The following SORCS1 variants were observed in gnomAD, a reference collection of about 807,000 sequenced individuals.
SORCS1 encodes the protein VPS10 domain-containing receptor SorCS1.
Under a neutral mutation model 146.1 loss-of-function variants are expected in SORCS1, and 60 were observed. The observed-to-expected ratio is 0.41, with a 90% CI of 0.33 to 0.51. The LOEUF is 0.51. Ranked by LOEUF, SORCS1 falls within the 20% of genes least tolerant of loss-of-function variation. SORCS1 has a pLI of 0.21. For synonymous variants in SORCS1, 637 were observed against 584.0 expected (o/e 1.09, Z -1.31); for missense variants, 1,352 against 1,487.6 (o/e 0.91, Z 1.50).
At chr10:106,713,798 G>T (rs1352015161) in intron 6 of SORCS1, among the ~76,000 whole-genome samples, 3 of 152,096 alleles carry the variant, frequency 2.0e-5, no homozygotes, top group African/African-American at 7.2e-5. Flanking sequence ...CAGTAAGTTT[G>T]GGGCCAATTT....
intron 8 of SORCS1, among the ~76,000 whole-genome samples, chr10:106,705,094 A>G (rs1854423506): frequency 6.6e-6 from 1 of 152,120 alleles, no homozygotes; most frequent in Admixed American, 6.5e-5. Flanking sequence ...TTCTTGTCTT[A>G]CTGGAGAAAA....
intron 2 of SORCS1, among the ~76,000 whole-genome samples, chr10:106,896,442 A>AG (rs1951480843): frequency 6.6e-6 from 1 of 151,636 alleles, no homozygotes; most frequent in African/African-American, 2.4e-5. Context: ...AAAAAAAAAA[A>AG]AAAAAGAAAT....
chr10:106,928,414 A>T (rs1589726540), intron 2 of SORCS1, among the ~76,000 whole-genome samples: 1 of 152,164 alleles, frequency 6.6e-6, no homozygotes, highest in African/African-American at 2.4e-5. Context: ...GCCCGCGCCC[A>T]CCCGGAACTC....
intron 1 of SORCS1, among the ~76,000 whole-genome samples, chr10:106,962,412 A>AAG (rs1554896533): frequency 2.0e-5 from 3 of 149,956 alleles, no homozygotes; most frequent in African/African-American, 4.9e-5. Context: ...AAAAAAAAAA[A>AAG]AAAGAAAGAA....
At chr10:107,111,135 G>C (rs2134454510) in intron 1 of SORCS1, among the ~76,000 whole-genome samples, 1 of 152,302 alleles carries the variant, frequency 6.6e-6, no homozygotes, top group African/African-American at 2.4e-5. Context: ...CAAATGCATA[G>C]CCATCAATGC....
intron 5 of SORCS1, among the ~76,000 whole-genome samples, chr10:106,738,572 T>C (rs4918247): frequency 0.78 from 118,614 of 152,198 alleles, 47,176 homozygotes; most frequent in Non-Finnish European, 0.87. Flanking sequence ...CTGGAGATCC[T>C]GCGTGGGGCC....
intron 24 of SORCS1, among the ~76,000 whole-genome samples, chr10:106,594,775 T>C (rs1237787296): frequency 6.6e-6 from 1 of 152,184 alleles, no homozygotes; most frequent in East Asian, 1.9e-4. Context: ...GATAGACAAG[T>C]TGGCCACATC....
intron 2 of SORCS1, among the ~76,000 whole-genome samples, chr10:106,855,289 A>C (rs767287415): frequency 6.6e-6 from 1 of 152,162 alleles, no homozygotes; most frequent in Non-Finnish European, 1.5e-5. Flanking sequence ...TGCCTTAAAA[A>C]AGTTTTTTTT....
chr10:106,950,100 C>T (rs781579099), intron 2 of SORCS1, among the ~76,000 whole-genome samples: 1 of 152,220 alleles, frequency 6.6e-6, no homozygotes. Flanking sequence ...AAAGTGAAGA[C>T]AATTTTAAGG....
intron 1 of SORCS1, among the ~76,000 whole-genome samples, chr10:107,069,323 T>C (rs1467271055): frequency 6.6e-6 from 1 of 152,218 alleles, no homozygotes; most frequent in African/African-American, 2.4e-5. Flanking sequence ...GAAATTCTGC[T>C]GCAGACTACA....
intron 1 of SORCS1, among the ~76,000 whole-genome samples, chr10:107,118,669 G>C (rs1966202797): frequency 6.6e-6 from 1 of 152,150 alleles, no homozygotes; most frequent in Non-Finnish European, 1.5e-5. Flanking sequence ...ATCTATTCAG[G>C]TCTTTGCACC....
At position 106,885,780 on chromosome 10, in the gene SORCS1, G is replaced by A. The variant is rs533777773; in HGVS notation, c.627-56107C>T. On this transcript the variant is annotated intron_variant, in intron 2 of 25. Transcript: ENST00000263054. ...ACCAGGTGGAAGATAATTAAATCAC[G>A]GGAATGGTTTCCCCCATACTGCTCT... Among the ~76,000 whole-genome samples the A allele has an allele frequency of 1.9e-3, 289 of 152,162 alleles. 1 individual carries two copies. The highest frequency in any genetic ancestry group is 6.4e-3 in the African/African-American group (266 of 41,502).
At chr10:107,052,315 A>T (rs527248353) in intron 1 of SORCS1, among the ~76,000 whole-genome samples, 2 of 152,314 alleles carry the variant, frequency 1.3e-5, no homozygotes, top group African/African-American at 4.8e-5. Flanking sequence ...TCAGATTTCA[A>T]GATATGTCTA....
chr10:106,706,624 C>T lies in SORCS1; in HGVS notation c.1154G>A (p.Gly385Glu), dbSNP rs1240286662. Residue 385 changes from glycine (G) to glutamate (E), a missense_variant, in exon 8 of 26, where the codon GGA becomes GAA. This residue lies in a region of SORCS1 where 648 missense variants were observed against 793.8 expected (regional missense o/e 0.82). Transcript: ENST00000263054. ...DHYVFVQLTS[G>E]GRPHYYVSYR... ...GGACACGTAGTAATGTGGCCGCCCT[C>T]CTGATGTCAGCTGGATCATAAAAAC... The T allele has an allele frequency of 8.1e-6, 13 of 1,613,974 alleles. No individual in the cohort carries two copies. Among genetic ancestry groups the T allele is most frequent in the South Asian group, 1.1e-5 (1 of 91,078 alleles).
At chr10:107,069,476 AG>A (rs1432924400) in intron 1 of SORCS1, among the ~76,000 whole-genome samples, 2 of 151,906 alleles carry the variant, frequency 1.3e-5, no homozygotes, top group Non-Finnish European at 2.9e-5. Flanking sequence ...CCCAGGTTCA[AG>A]CGATTCTCCT....
intron 2 of SORCS1, among the ~76,000 whole-genome samples, chr10:106,914,084 T>G (rs936433040): frequency 2.0e-5 from 3 of 152,198 alleles, no homozygotes; most frequent in African/African-American, 7.2e-5. Context: ...ATCATGCTAA[T>G]AAGCACTTAA....
At chr10:106,885,716 G>T (rs1200013308) in intron 2 of SORCS1, among the ~76,000 whole-genome samples, 1 of 152,128 alleles carries the variant, frequency 6.6e-6, no homozygotes, top group Admixed American at 6.5e-5. Flanking sequence ...ATCTCATCTT[G>T]AATTGTAGCT....
intron 6 of SORCS1, among the ~76,000 whole-genome samples, chr10:106,712,018 C>T (rs1855029344): frequency 6.6e-6 from 1 of 152,152 alleles, no homozygotes; most frequent in Admixed American, 6.6e-5. Context: ...GAAATCCTTT[C>T]ATCTTCCTGA....
intron 1 of SORCS1, among the ~76,000 whole-genome samples, chr10:107,069,778 C>G (rs1334092328): frequency 6.6e-6 from 1 of 152,206 alleles, no homozygotes; most frequent in Admixed American, 6.5e-5. Flanking sequence ...TGATTATCAC[C>G]TTCAATGCAA....
Sources: gnomAD v4.1 joint callset for allele counts (sites outside exome capture counted in the v4.1 genomes callset) on GRCh38, gnomAD v4.1.1 for gene constraint, gnomAD v4.1.1 regional missense constraint, MANE v1.5 for transcripts, NCBI Gene and HGNC (gene_info 2026-07-23, HGNC 2026-07-21) for gene names.